ADH1C: variants seen among roughly 807,000 people sequenced by gnomAD.
ADH1C encodes the protein alcohol dehydrogenase 1C (class I), gamma polypeptide.
A neutral mutation model predicts 35.0 loss-of-function variants in ADH1C; 26 were observed. The ratio of observed to expected loss-of-function variants is 0.74; its 90% confidence interval spans 0.54 to 1.03. The LOEUF (loss-of-function observed/expected upper bound fraction) is 1.03. Ranked by LOEUF, ADH1C falls within the 50% of genes least tolerant of loss-of-function variation. The probability of loss-of-function intolerance (pLI) is 0.00; values close to 1 mark genes in which losing one functional copy is unlikely to be tolerated. For missense variants in ADH1C, 413 were observed against 465.4 expected (o/e 0.89, Z 1.04); for synonymous variants, 170 against 169.3 (o/e 1.00, Z -0.03).
Position 99,344,866 on chromosome 4 carries a change from G to A in ADH1C, c.563C>T (p.Ala188Val), listed in dbSNP as rs755985172. Residue 188 changes from alanine to valine, a missense_variant, in exon 5 of 9, where the codon GCC (alanine) becomes GTC (valine). Coordinates refer to ENST00000515683, the MANE Select transcript of ADH1C (RefSeq NM_000669.5). ...ATCATCCATTGTCATTTCTACCTTG[G>A]CAACTTTGACTGCAGACCCATAACC... ...STGYGSAVKV[A>V]KVTPGSTCAV... is the part of the protein sequence containing the mutation. 13 of 1,613,982 alleles carry A rather than the reference G, an allele frequency of 8.1e-6. No homozygotes were observed. The South Asian group carries it at 1.2e-4, about 15-fold the overall frequency.
Position 99,344,913 on chromosome 4 carries a change from G to A in ADH1C, c.516C>T (p.Leu172=). 2 of 1,614,174 alleles carry A rather than the reference G, an allele frequency of 1.2e-6. No homozygotes were observed. Among genetic ancestry groups the A allele is most frequent in the Non-Finnish European group, 1.7e-6 (2 of 1,180,044 alleles). ...DAASPLEKVC[L]IGCGFSTGYG... is the part of the protein sequence containing the mutation. ...AACCAGTCGAAAATCCACAGCCAAT[G>A]AGGCAGACTTTCTCCAGGGGCGAGG... The change falls in exon 5 of 9, where the codon CTC becomes CTT. Residue 172 remains leucine (L), a synonymous_variant. Coordinates refer to ENST00000515683, the MANE Select transcript of ADH1C (RefSeq NM_000669.5).
chr4:99,340,304 C>T (rs1010215354), intron 7 of ADH1C, among the ~76,000 whole-genome samples: 1 of 152,086 alleles, frequency 6.6e-6, no homozygotes, highest in Non-Finnish European at 1.5e-5. Context: ...ATCCCAGCTA[C>T]TCTGGAGGTT....
chr4:99,339,524 C>CCT (rs1473837476), intron 8 of ADH1C, 53 bp downstream of exon 8: 1 of 1,150,910 alleles, frequency 8.7e-7, no homozygotes, highest in African/African-American at 1.7e-5. Flanking sequence ...CCCCCCCCCC[C>CCT]CCGCCGCTAC....
chr4:99,338,367 ATAAT>A (rs1207303423), intron 8 of ADH1C, among the ~76,000 whole-genome samples: 10 of 133,168 alleles, frequency 7.5e-5, no homozygotes, highest in South Asian at 2.6e-4. Context: ...AATGACAATG[ATAAT>A]TAACCTTTGA....
intron 1 of ADH1C, among the ~76,000 whole-genome samples, chr4:99,349,327 G>T (rs905076548): frequency 4.6e-5 from 7 of 151,682 alleles, no homozygotes; most frequent in African/African-American, 1.5e-4. Flanking sequence ...AAGGGATCCA[G>T]TTTCAGCTTT....
chr4:99,345,364 GA>G, intron 3 of ADH1C, 98 bp from the exon 4 acceptor site: 2 of 1,252,592 alleles, frequency 1.6e-6, no homozygotes, highest in Non-Finnish European at 2.2e-6. Context: ...TTATGTGTCT[GA>G]AAAGTTTCTA....
intron 1 of ADH1C, among the ~76,000 whole-genome samples, chr4:99,349,352 C>A (rs956466619): frequency 5.3e-5 from 8 of 151,920 alleles, no homozygotes; most frequent in Middle Eastern, 3.2e-3. Flanking sequence ...ATATGGCTAG[C>A]CAGTTTTCCC....
chr4:99,343,118 A>G, intron 5 of ADH1C, 63 bp from the exon 6 acceptor site: 1 of 1,577,224 alleles, frequency 6.3e-7, no homozygotes, highest in Non-Finnish European at 8.6e-7. Flanking sequence ...CTTAAGCTTT[A>G]TAAAGTGCCA....
At chr4:99,339,540 A>C (rs1734365558) in intron 8 of ADH1C, 37 bp downstream of exon 8, 1 of 1,357,958 alleles carries the variant, frequency 7.4e-7, no homozygotes. Context: ...GCTACTGTAG[A>C]ATACAAAGCA....
rs35124782 is a variant in ADH1C, at chr4:99,338,395, CTATA to C, written c.1103+1178_1103+1181del. ...ATTAACCTTTGATGAATACTGTTTT[CTATA>C]TATATATATATATATATATATATAT... On this transcript the variant is annotated intron_variant, in intron 8 of 8. Coordinates refer to ENST00000515683, the MANE Select transcript of ADH1C (RefSeq NM_000669.5). Among the ~76,000 whole-genome samples the C allele has an allele frequency of 3.1e-3, 120 of 38,922 alleles. 1 individual carries two copies. Among genetic ancestry groups the C allele is most frequent in the Non-Finnish European group, 4.9e-3 (105 of 21,436 alleles). The allele number at this position is 38,922 out of a possible 152,430, so 25.5% of individuals were successfully genotyped here.
intron 5 of ADH1C, 61 bp downstream of exon 5, chr4:99,344,801 T>C: frequency 6.3e-7 from 1 of 1,591,832 alleles, no homozygotes; most frequent in Non-Finnish European, 8.6e-7. Context: ...AAGAAATTGC[T>C]TCCCTTTTGG....
intron 1 of ADH1C, chr4:99,350,990 T>C (rs6846835): frequency 0.34 from 51,035 of 151,860 alleles, 9,941 homozygotes; most frequent in East Asian, 0.75. Flanking sequence ...ATGCTAAAAT[T>C]AGCCAAGCAT....
At chr4:99,347,960 G>T in intron 1 of ADH1C, 114 bp from the exon 2 acceptor site, 3 of 1,182,360 alleles carry the variant, frequency 2.5e-6, no homozygotes, top group South Asian at 1.4e-5. Flanking sequence ...CACCTAACAA[G>T]TGTTGCATAG....
Position 99,342,786 on chromosome 4 carries a change from G to C in ADH1C, c.828+9C>G. 6 of 1,613,954 alleles carry C rather than the reference G, an allele frequency of 3.7e-6. No individual in the cohort carries two copies. The highest frequency in any genetic ancestry group is 5.1e-6 in the Non-Finnish European group (6 of 1,179,852). ...AGGCAGAAATTTCAGGGCATGTCACGGATCATACCATGGTGTCAAGCCGAC... is the reference window on the plus strand; with the variant it reads ...AGGCAGAAATTTCAGGGCATGTCACCGATCATACCATGGTGTCAAGCCGAC... On this transcript the variant is annotated intron_variant, in intron 6 of 8. Coordinates refer to ENST00000515683, the MANE Select transcript of ADH1C (RefSeq NM_000669.5).
chr4:99,337,204 T>C (rs1469126477), intron 8 of ADH1C, among the ~76,000 whole-genome samples: 3 of 152,170 alleles, frequency 2.0e-5, no homozygotes, highest in Non-Finnish European at 2.9e-5. Context: ...TTGGTTTCCA[T>C]ATTATTTCCA....
chr4:99,351,160 T>C (rs1453702926), intron 1 of ADH1C: 1 of 151,974 alleles, frequency 6.6e-6, no homozygotes, highest in Non-Finnish European at 1.5e-5. Flanking sequence ...AATGAAAAAA[T>C]TAATGTAGCC....
At chr4:99,340,990 A>G (rs1306079753) in intron 6 of ADH1C, among the ~76,000 whole-genome samples, 1 of 152,252 alleles carries the variant, frequency 6.6e-6, no homozygotes, top group Admixed American at 6.5e-5. Context: ...TTACAAACAT[A>G]TATAAAGTCC....
At chr4:99,342,334 A>G (rs1734435361) in intron 6 of ADH1C, among the ~76,000 whole-genome samples, 1 of 152,218 alleles carries the variant, frequency 6.6e-6, no homozygotes, top group Non-Finnish European at 1.5e-5. Flanking sequence ...TAATAAAATA[A>G]TAGTTGGTCT....
intron 2 of ADH1C, 64 bp downstream of exon 2, chr4:99,347,681 T>A: frequency 6.9e-7 from 1 of 1,455,670 alleles, no homozygotes; most frequent in Non-Finnish European, 9.3e-7. Flanking sequence ...TGGATGTTTC[T>A]ATTTTTAATA....
Sources: gnomAD v4.1 joint callset for allele counts (sites outside exome capture counted in the v4.1 genomes callset) on GRCh38, gnomAD v4.1.1 for gene constraint, MANE v1.5 for transcripts, NCBI Gene and HGNC (gene_info 2026-07-23, HGNC 2026-07-21) for gene names.